Variants in SNTG1 observed in about 807,000 individuals in gnomAD.
SNTG1 encodes the protein gamma-1-syntrophin.
Under a neutral mutation model 74.7 loss-of-function variants are expected in SNTG1, and 39 were observed. The observed-to-expected ratio is 0.52, with a 90% CI of 0.40 to 0.68. The LOEUF (loss-of-function observed/expected upper bound fraction) is 0.68, where lower values mean the gene tolerates loss of function less well. SNTG1 is among the 30% of genes least tolerant of loss of function. The pLI is 0.00. For missense variants in SNTG1, 685 were observed against 609.5 expected (o/e 1.12, Z -1.30); for synonymous variants, 254 against 217.1 (o/e 1.17, Z -1.49).
intron 1 of SNTG1, among the ~76,000 whole-genome samples, chr8:50,037,538 T>C (rs1295825957): frequency 6.6e-6 from 1 of 152,234 alleles, no homozygotes; most frequent in African/African-American, 2.4e-5. Context: ...AGAAGGTAAA[T>C]GCTTCAGATT....
chr8:50,138,241 G>A (rs1023045186), intron 1 of SNTG1, among the ~76,000 whole-genome samples: 7 of 151,780 alleles, frequency 4.6e-5, no homozygotes, highest in Non-Finnish European at 1.0e-4. Context: ...GATGACGAAA[G>A]CACTGAAAAT....
At chr8:50,095,182 G>T (rs2079881853) in intron 1 of SNTG1, among the ~76,000 whole-genome samples, 1 of 151,562 alleles carries the variant, frequency 6.6e-6, no homozygotes, top group Non-Finnish European at 1.5e-5. Flanking sequence ...GACAGTGAGG[G>T]TTGAAAAACT....
At position 50,394,262 on chromosome 8, in the gene SNTG1, G is replaced by A. The variant is rs1026346751; in HGVS notation, c.24G>A (p.Glu8=). 1 of 1,612,922 alleles carries A rather than the reference G, an allele frequency of 6.2e-7. No individual in the cohort carries two copies. Among genetic ancestry groups the A allele is most frequent in the Non-Finnish European group, 8.5e-7 (1 of 1,179,382 alleles). MDFRTAC[E]ETKTGICLLQ... The stretch of plus-strand genomic sequence containing the variant: ...ACATGGATTTCAGAACCGCCTGTGA[G>A]GAGGTGAGTACAGAGCTTTCTGCTT... Residue 8 remains glutamate, a synonymous_variant, in exon 3 of 19, where the codon GAG becomes GAA. Coordinates refer to ENST00000642720, the MANE Select transcript of SNTG1 (RefSeq NM_018967.5).
At chr8:50,109,138 T>C (rs542508233) in intron 1 of SNTG1, among the ~76,000 whole-genome samples, 1 of 152,272 alleles carries the variant, frequency 6.6e-6, no homozygotes, top group South Asian at 2.1e-4. Flanking sequence ...ATTCCTTTTC[T>C]GGAAGTTCAT....
chr8:50,093,171 C>A (rs2079802939), intron 1 of SNTG1, among the ~76,000 whole-genome samples: 2 of 152,052 alleles, frequency 1.3e-5, no homozygotes, highest in South Asian at 4.1e-4. Context: ...CCCTACCATA[C>A]TCTAAAGTAA....
intron 2 of SNTG1, among the ~76,000 whole-genome samples, chr8:50,263,628 C>A (rs531407400): frequency 1.3e-5 from 2 of 152,156 alleles, no homozygotes; most frequent in African/African-American, 2.4e-5. Context: ...AAAGTAACTT[C>A]ATTTTTAATG....
At chr8:50,558,445 G>C (rs2094468944) in intron 12 of SNTG1, among the ~76,000 whole-genome samples, 1 of 152,182 alleles carries the variant, frequency 6.6e-6, no homozygotes, top group East Asian at 1.9e-4. Context: ...GATAAAGGAA[G>C]CAAGAAAAAG....
intron 1 of SNTG1, among the ~76,000 whole-genome samples, chr8:50,012,315 G>A (rs540049527): frequency 5.3e-5 from 8 of 152,114 alleles, no homozygotes; most frequent in East Asian, 1.9e-4. Context: ...TGTGGATATC[G>A]GGGCTGTTGT....
At chr8:50,701,300 A>G (rs764144617) in intron 15 of SNTG1, among the ~76,000 whole-genome samples, 2 of 152,204 alleles carry the variant, frequency 1.3e-5, no homozygotes, top group South Asian at 2.1e-4. Flanking sequence ...AATTTTTGCT[A>G]TAGTAGCTTG....
In SNTG1 at chr8:50,345,625, C is replaced by T. The variant is rs142276281; in HGVS notation, c.-27-48587C>T. 4.0e-3 allele frequency among the ~76,000 whole-genome samples: 609 copies of T among 152,262 alleles called. 9 individuals are homozygous for T. In the South Asian group the frequency reaches 0.049, roughly 12 times the overall value. ...TCAACTGCCATAATTGCATTAATCT[C>T]CACTTTATGCTCATGATTTTCTAAT... On this transcript the variant is annotated intron_variant, in intron 2 of 18. Coordinates refer to ENST00000642720, the MANE Select transcript of SNTG1 (RefSeq NM_018967.5).
At chr8:50,151,367 C>T (rs1471843905) in intron 1 of SNTG1, among the ~76,000 whole-genome samples, 1 of 151,946 alleles carries the variant, frequency 6.6e-6, no homozygotes, top group Admixed American at 6.6e-5. Context: ...AACCAGCTCC[C>T]GGTTTCACTG....
intron 9 of SNTG1, among the ~76,000 whole-genome samples, chr8:50,526,699 A>T (rs2094223060): frequency 6.6e-6 from 1 of 151,852 alleles, no homozygotes. Context: ...TGCCAGGCTC[A>T]TTGCAACCTC....
Position 50,761,145 on chromosome 8 carries a change from C to T in SNTG1, c.1395+9034C>T, listed in dbSNP as rs150357059. On this transcript the variant is annotated intron_variant, in intron 18 of 18. Transcript: ENST00000642720. ...TCAGTAAGATACCGGCAAACCGAAT[C>T]CAGCAGCCCATCAAAAAGCTTATCC... 6.5e-3 allele frequency among the ~76,000 whole-genome samples: 983 copies of T among 152,108 alleles called. 10 individuals are homozygous for T. Among genetic ancestry groups the T allele is most frequent in the Middle Eastern group, 0.031 (9 of 294 alleles).
chr8:50,488,117 C>G (rs1018877351), intron 8 of SNTG1, among the ~76,000 whole-genome samples: 1 of 152,094 alleles, frequency 6.6e-6, no homozygotes, highest in Non-Finnish European at 1.5e-5. Flanking sequence ...CTTCTCAGAA[C>G]TAGGGCTGCG....
chr8:50,458,731 C>A (rs1432121543), intron 8 of SNTG1, among the ~76,000 whole-genome samples: 1 of 151,508 alleles, frequency 6.6e-6, no homozygotes, highest in Non-Finnish European at 1.5e-5. Flanking sequence ...AACATTTTTT[C>A]TTGTGTTTGT....
intron 15 of SNTG1, among the ~76,000 whole-genome samples, chr8:50,701,749 TTCTTCTC>T (rs1371663320): frequency 8.4e-6 from 1 of 119,274 alleles, no homozygotes; most frequent in Admixed American, 8.2e-5. Context: ...TTTCTTCTCC[TTCTTCTC>T]CTTCTTCTTC....
In SNTG1 at chr8:50,382,758, C is replaced by A. The variant is rs535676459; in HGVS notation, c.-27-11454C>A. 5.3e-5 allele frequency among the ~76,000 whole-genome samples: 8 copies of A among 152,200 alleles called. No individual in the cohort carries two copies. The East Asian group carries it at 9.6e-4, about 18-fold the overall frequency. On this transcript the variant is annotated intron_variant, in intron 2 of 18. Transcript: ENST00000642720. ...ACTGTATCAGTCAGGATTCTCCGGA[C>A]CAGCTGAAGCAGTAGAATATCTATG...
intron 1 of SNTG1, among the ~76,000 whole-genome samples, chr8:49,958,940 T>C (rs982444438): frequency 3.3e-5 from 5 of 152,198 alleles, no homozygotes; most frequent in African/African-American, 1.2e-4. Flanking sequence ...CTAAAGTATC[T>C]TGTGTTTGAA....
At chr8:50,750,533 A>G (rs1215588803) in intron 17 of SNTG1, among the ~76,000 whole-genome samples, 2 of 152,092 alleles carry the variant, frequency 1.3e-5, no homozygotes, top group East Asian at 1.9e-4. Flanking sequence ...CAGTCAATCA[A>G]TGCAGCAGAC....
Sources: allele counts gnomAD v4.1 joint callset (sites outside exome capture counted in the v4.1 genomes callset), GRCh38; gene constraint gnomAD v4.1.1; transcripts MANE v1.5; gene names NCBI Gene and HGNC (gene_info 2026-07-23, HGNC 2026-07-21).